Variants in SOCS2 observed in about 807,000 individuals in gnomAD.
SOCS2 encodes the protein CIS-2.
A neutral mutation model predicts 18.6 loss-of-function variants in SOCS2; 10 were observed. The observed-to-expected ratio is 0.54, with a 90% CI of 0.33 to 0.91. The LOEUF (loss-of-function observed/expected upper bound fraction) is 0.91, where lower values mean the gene tolerates loss of function less well. Ranked by LOEUF, SOCS2 falls within the 40% of genes least tolerant of loss-of-function variation. SOCS2 has a pLI of 0.02. For missense variants in SOCS2, 231 were observed against 247.2 expected, an observed-to-expected ratio of 0.93 and a Z score of 0.44; for synonymous variants, 104 against 104.0, an observed-to-expected ratio of 1.00 and a Z score of 0.00.
At chr12:93,590,741 G>A in the SOCS2 span, among the ~76,000 whole-genome samples, 2 of 123,966 alleles carry the variant, frequency 1.6e-5, no homozygotes, top group Non-Finnish European at 3.1e-5. Flanking sequence ...CCGAGATGGC[G>A]CCACTGCACT....
In SOCS2 at chr12:93,574,910, A is replaced by G; in HGVS notation, c.328A>G (p.Ile110Val). The change falls in exon 2 of 2, where the codon ATA becomes GTA. Residue 110 changes from isoleucine to valine, a missense_variant. Ile to Val is a conservative substitution (Grantham distance 29, BLOSUM62 3). This residue lies in a region of SOCS2 where 122 missense variants were observed against 127.2 expected (regional missense o/e 0.96). Transcript: ENST00000551556. ...CGGAAAATTCAGATTGGACTCTATC[A>G]TATGTGTCAAATCCAAGCTTAAACA... ...QDGKFRLDSI[I>V]CVKSKLKQFD... 1 of 1,614,198 alleles carries G rather than the reference A, an allele frequency of 6.2e-7. No individual in the cohort carries two copies. The highest frequency in any genetic ancestry group is 8.5e-7 in the Non-Finnish European group (1 of 1,180,022).
the SOCS2 span, among the ~76,000 whole-genome samples, chr12:93,620,923 C>T: frequency 6.6e-6 from 1 of 152,188 alleles, no homozygotes; most frequent in African/African-American, 2.4e-5. Flanking sequence ...CTTTGGGAAG[C>T]CCACTCATTC....
chr12:93,610,225 T>A, the SOCS2 span, among the ~76,000 whole-genome samples: 1 of 152,224 alleles, frequency 6.6e-6, no homozygotes, highest in East Asian at 1.9e-4. Flanking sequence ...AAGAATCATG[T>A]GGAGCTAGGG....
chr12:93,570,795 G>GC (rs1954218947), upstream of SOCS2: 1 of 152,562 alleles, frequency 6.6e-6, no homozygotes, highest in African/African-American at 2.4e-5. Context: ...CACACCGCCC[G>GC]CCCTGCACCC....
the SOCS2 span, among the ~76,000 whole-genome samples, chr12:93,599,673 G>A: frequency 6.6e-6 from 1 of 152,200 alleles, no homozygotes; most frequent in African/African-American, 2.4e-5. Flanking sequence ...TGAGGGCTCT[G>A]CCTTCTTAAA....
downstream of SOCS2, among the ~76,000 whole-genome samples, chr12:93,586,130 A>C (rs1217051975): frequency 2.0e-5 from 3 of 152,154 alleles, no homozygotes; most frequent in Non-Finnish European, 4.4e-5. Context: ...AGGACTGACC[A>C]TATTAAAGAG....
In SOCS2 at chr12:93,572,986, C is replaced by T. The variant is rs754138935; in HGVS notation, c.89C>T (p.Ser30Phe). Residue 30 changes from serine (S) to phenylalanine (F), a missense_variant, in exon 1 of 2, where the codon TCC (serine) becomes TTC (phenylalanine). Physicochemically the swap from Ser to Phe is radical, Grantham distance 155 (BLOSUM62 -2). Coordinates refer to ENST00000551556, the MANE Select transcript of SOCS2 (RefSeq NM_001270471.2). This position sits in a 1 kb window ranked among gnomAD's most constrained non-coding sequence, Gnocchi z 5.0. ...WGTAGSAEEP[S>F]PQAARLAKAL... is the part of the protein sequence containing the mutation. Reference sequence around the variant, plus strand: ...ACCGCGGGGTCGGCGGAGGAGCCATCCCCGCAGGCGGCGCGTCTGGCGAAG... The same window carrying T: ...ACCGCGGGGTCGGCGGAGGAGCCATTCCCGCAGGCGGCGCGTCTGGCGAAG... The T allele has an allele frequency of 1.8e-5, 28 of 1,570,178 alleles. No homozygotes were observed. In the South Asian group the frequency reaches 3.1e-4, roughly 18 times the overall value.
Position 93,575,610 on chromosome 12 carries a change from C to G in SOCS2, c.*431C>G, listed in dbSNP as rs1247027066. 1.3e-5 allele frequency: 2 copies of G among 154,336 alleles called. No individual in the cohort carries two copies. The highest frequency in any genetic ancestry group is 2.9e-5 in the Non-Finnish European group (2 of 69,214). The allele number at this position is 154,336 out of a possible 1,614,324, so 9.6% of individuals were successfully genotyped here. The stretch of plus-strand genomic sequence containing the variant: ...GCCTCACTGCAATTTGATATGCCTG[C>G]TGATCAGAGTCTCTTGGGCATTTTA... On this transcript the variant is annotated 3_prime_UTR_variant, in exon 2 of 2. Transcript: ENST00000551556.
chr12:93,617,921 T>C, the SOCS2 span, among the ~76,000 whole-genome samples: 1 of 152,172 alleles, frequency 6.6e-6, no homozygotes, highest in East Asian at 1.9e-4. Context: ...TCTACTGATA[T>C]GGTCTGGATC....
chr12:93,597,662 C>G, the SOCS2 span, among the ~76,000 whole-genome samples: 3 of 152,150 alleles, frequency 2.0e-5, no homozygotes, highest in East Asian at 1.9e-4. Context: ...TGAAATAGCT[C>G]ATCAGAAAAG....
the SOCS2 span, among the ~76,000 whole-genome samples, chr12:93,594,128 G>T: frequency 1.3e-5 from 2 of 152,098 alleles, no homozygotes; most frequent in African/African-American, 4.8e-5. Context: ...ATTGTTTTTT[G>T]AAATAAAAAG....
At chr12:93,606,468 T>C in the SOCS2 span, among the ~76,000 whole-genome samples, 1 of 151,904 alleles carries the variant, frequency 6.6e-6, no homozygotes, top group African/African-American at 2.4e-5. Flanking sequence ...TTATTTTTGT[T>C]CCTTTTTGCT....
At chr12:93,600,535 T>A in the SOCS2 span, among the ~76,000 whole-genome samples, 41 of 152,120 alleles carry the variant, frequency 2.7e-4, no homozygotes, top group African/African-American at 9.4e-4. Context: ...AGATTTTAAT[T>A]GTAATTACAA....
Position 93,576,083 on chromosome 12 carries a change from A to G in SOCS2, c.*904A>G, listed in dbSNP as rs549813439. ...AACAGTTGTCTCCCTTCTACTGTGT[A>G]GAATACTTTGACTTAATTTTCTTCC... On this transcript the variant is annotated 3_prime_UTR_variant, in exon 2 of 2. Transcript: ENST00000551556. 6 of 152,786 alleles carry G rather than the reference A, an allele frequency of 3.9e-5. No homozygotes were observed. The East Asian group carries it at 1.2e-3, about 29-fold the overall frequency. The allele number at this position is 152,786 out of a possible 1,614,324, so 9.5% of individuals were successfully genotyped here. A position where few individuals can be genotyped will look rare whatever the true frequency, so the allele number is the denominator to read the frequency against.
chr12:93,592,276 C>A, the SOCS2 span, among the ~76,000 whole-genome samples: 8 of 152,338 alleles, frequency 5.3e-5, no homozygotes, highest in Admixed American at 1.3e-4. Context: ...ACCTTTCTCT[C>A]TATATATCTA....
Position 93,572,985 on chromosome 12 carries a change from TCCCCGCAGGCGGCGC to T in SOCS2, c.89_103del (p.Ser30_Arg35delinsCys). On this transcript the variant is annotated inframe_deletion, in exon 1 of 2. Coordinates refer to ENST00000551556, the MANE Select transcript of SOCS2 (RefSeq NM_001270471.2). The surrounding 1 kb of genome is among the most constrained non-coding windows in gnomAD (Gnocchi z 5.0). ...GACCGCGGGGTCGGCGGAGGAGCCATCCCCGCAGGCGGCGCGTCTGGCGAAGGCCCTGCGGGAGCT... is the reference window on the plus strand; with the variant it reads ...GACCGCGGGGTCGGCGGAGGAGCCATGTCTGGCGAAGGCCCTGCGGGAGCT... The T allele has an allele frequency of 6.4e-7, 1 of 1,569,798 alleles. No homozygotes were observed. Among genetic ancestry groups the T allele is most frequent in the Non-Finnish European group, 8.6e-7 (1 of 1,158,860 alleles).
chr12:93,594,384 A>G, the SOCS2 span, among the ~76,000 whole-genome samples: 2 of 152,136 alleles, frequency 1.3e-5, no homozygotes, highest in Non-Finnish European at 2.9e-5. Flanking sequence ...AGCTCTTTAC[A>G]TATTCTGTAA....
downstream of SOCS2, among the ~76,000 whole-genome samples, chr12:93,578,884 G>T (rs148853656): frequency 3.9e-4 from 59 of 152,106 alleles, no homozygotes; most frequent in East Asian, 8.9e-3. Context: ...TATTTCTTCC[G>T]CTGGGATTCA....
At chr12:93,577,779 G>A (rs2089621840), downstream of SOCS2, among the ~76,000 whole-genome samples, 1 of 152,164 alleles carries the variant, frequency 6.6e-6, no homozygotes, top group Non-Finnish European at 1.5e-5. Context: ...TGCTGTGCAG[G>A]TGGGCGGGGA....
Sources: allele counts gnomAD v4.1 joint callset (sites outside exome capture counted in the v4.1 genomes callset), GRCh38; gene constraint gnomAD v4.1.1; regional missense constraint gnomAD v4.1.1; non-coding constraint Gnocchi (gnomAD v3.1); transcripts MANE v1.5; gene names NCBI Gene and HGNC (gene_info 2026-07-23, HGNC 2026-07-21).